The following GRID2 variants were observed in gnomAD, a reference collection of about 807,000 sequenced individuals.
GRID2 encodes the protein glutamate receptor ionotropic, delta-2.
A neutral mutation model predicts 114.8 loss-of-function variants in GRID2; 33 were observed. The ratio of observed to expected loss-of-function variants is 0.29; its 90% CI spans 0.22 to 0.38. GRID2 has a LOEUF of 0.38. Ranked by LOEUF, GRID2 falls within the 10% of genes least tolerant of loss-of-function variation. The pLI is 1.00. For missense variants in GRID2, 1,184 were observed against 1,257.7 expected (o/e 0.94, Z 0.89); for synonymous variants, 505 against 449.9 (o/e 1.12, Z -1.55).
intron 2 of GRID2, among the ~76,000 whole-genome samples, chr4:92,731,707 T>C (rs1736336173): frequency 6.6e-6 from 1 of 151,950 alleles, no homozygotes; most frequent in African/African-American, 2.4e-5. Context: ...TGAGTAACTT[T>C]AGGAAAACTA....
At chr4:92,690,481 A>T (rs1734132901) in intron 2 of GRID2, among the ~76,000 whole-genome samples, 1 of 152,226 alleles carries the variant, frequency 6.6e-6, no homozygotes, top group African/African-American at 2.4e-5. Flanking sequence ...CATAACAGAT[A>T]TAAAGCAGTA....
At chr4:92,381,012 ATAT>A (rs1729596208) in intron 1 of GRID2, among the ~76,000 whole-genome samples, 2 of 151,914 alleles carry the variant, frequency 1.3e-5, no homozygotes, top group African/African-American at 2.4e-5. Context: ...TTTCCCTCCA[ATAT>A]TATTTTTTCC....
At chr4:93,643,962 G>A (rs1721855018) in intron 14 of GRID2, among the ~76,000 whole-genome samples, 1 of 102,578 alleles carries the variant, frequency 9.7e-6, no homozygotes, top group Non-Finnish European at 1.9e-5. Flanking sequence ...AGCAATCCGC[G>A]AGATTCCGTG....
intron 2 of GRID2, among the ~76,000 whole-genome samples, chr4:92,946,199 C>A (rs919303070): frequency 2.0e-5 from 3 of 151,986 alleles, no homozygotes; most frequent in African/African-American, 7.2e-5. Context: ...TCCATCAAAG[C>A]CTTCAAAATG....
At chr4:92,922,058 C>T (rs905694971) in intron 2 of GRID2, among the ~76,000 whole-genome samples, 20 of 152,202 alleles carry the variant, frequency 1.3e-4, no homozygotes, top group Admixed American at 1.0e-3. Context: ...GGGAGCCCCT[C>T]CCTCAGCCTT....
Position 92,971,466 on chromosome 4 carries a change from A to G in GRID2, c.245-113529A>G, listed in dbSNP as rs1415168574. The stretch of plus-strand genomic sequence containing the variant: ...TACATACACAGTTATATTTTAATAT[A>G]TGTGTATATGTGTAATGATCAAATC... On this transcript the variant is annotated intron_variant, in intron 2 of 15. Coordinates refer to ENST00000282020, the MANE Select transcript of GRID2 (RefSeq NM_001510.4). Among the ~76,000 whole-genome samples, 3 of 152,024 alleles carry G rather than the reference A, an allele frequency of 2.0e-5. No homozygotes were observed. The East Asian group carries it at 5.8e-4, about 29-fold the overall frequency.
At chr4:92,335,920 G>A (rs1179380353) in intron 1 of GRID2, among the ~76,000 whole-genome samples, 1 of 152,086 alleles carries the variant, frequency 6.6e-6, no homozygotes, top group Non-Finnish European at 1.5e-5. Context: ...GAAAGTCACT[G>A]TTTTTTACTT....
At position 93,103,952 on chromosome 4, in the gene GRID2, C is replaced by A. The variant is rs1287913325; in HGVS notation, c.530-6796C>A. ...TAAGTTTCAGCTTTTACTTTAGGTA[C>A]AAGGGGAGTGTGTGTAGGTATGTTA... On this transcript the variant is annotated intron_variant, in intron 3 of 15. Transcript: ENST00000282020. Among the ~76,000 whole-genome samples, 3 of 145,846 alleles carry A rather than the reference C, an allele frequency of 2.1e-5. No individual in the cohort carries two copies. In the Admixed American group the frequency reaches 2.1e-4, roughly 10 times the overall value.
intron 11 of GRID2, among the ~76,000 whole-genome samples, chr4:93,457,239 G>A (rs1041379832): frequency 3.9e-5 from 6 of 152,046 alleles, no homozygotes; most frequent in East Asian, 1.9e-4. Flanking sequence ...TGTTAATGTC[G>A]CAGAGAAGGC....
chr4:93,657,923 A>C (rs1445767891), intron 14 of GRID2, among the ~76,000 whole-genome samples: 1 of 152,216 alleles, frequency 6.6e-6, no homozygotes. Flanking sequence ...TTGAGTTGAA[A>C]CAGAGAGGAA....
At chr4:93,674,052 A>G (rs1054715231) in intron 14 of GRID2, among the ~76,000 whole-genome samples, 2 of 151,704 alleles carry the variant, frequency 1.3e-5, no homozygotes, top group Non-Finnish European at 2.9e-5. Flanking sequence ...GACTCATGGC[A>G]TATATGGCGT....
At chr4:92,783,940 T>C (rs1739203562) in intron 2 of GRID2, among the ~76,000 whole-genome samples, 1 of 152,048 alleles carries the variant, frequency 6.6e-6, no homozygotes, top group South Asian at 2.1e-4. Flanking sequence ...TTTTAAAACT[T>C]CTTAAGACGT....
chr4:92,744,361 G>A (rs1737043627), intron 2 of GRID2, among the ~76,000 whole-genome samples: 2 of 151,696 alleles, frequency 1.3e-5, no homozygotes, highest in South Asian at 2.1e-4. Context: ...GGTGGCACAC[G>A]CCTGTAATCC....
chr4:93,051,787 A>G (rs1726742063), intron 2 of GRID2, among the ~76,000 whole-genome samples: 1 of 151,988 alleles, frequency 6.6e-6, no homozygotes. Context: ...TTAAAACTGT[A>G]CATGCTGCCA....
chr4:93,550,114 T>C (rs1185039068), intron 13 of GRID2, among the ~76,000 whole-genome samples: 4 of 152,094 alleles, frequency 2.6e-5, no homozygotes, highest in Non-Finnish European at 5.9e-5. Context: ...TTATTTTATT[T>C]ATTTTTAGAG....
At chr4:93,753,149 C>G (rs1578738334) in intron 14 of GRID2, among the ~76,000 whole-genome samples, 1 of 152,244 alleles carries the variant, frequency 6.6e-6, no homozygotes, top group East Asian at 1.9e-4. Context: ...TACAGGCAGC[C>G]TTCACCCAGA....
chr4:92,318,577 C>T (rs369113910), intron 1 of GRID2, among the ~76,000 whole-genome samples: 6 of 142,572 alleles, frequency 4.2e-5, no homozygotes, highest in African/African-American at 1.1e-4. Context: ...TGCAGTGGCA[C>T]GCTCATGGCT....
intron 8 of GRID2, among the ~76,000 whole-genome samples, chr4:93,242,083 G>C (rs528427893): frequency 6.6e-6 from 1 of 152,076 alleles, no homozygotes; most frequent in South Asian, 2.1e-4. Context: ...GGTAAGAAAA[G>C]AATGCTGTGT....
At chr4:92,920,326 T>G (rs2149503643) in intron 2 of GRID2, among the ~76,000 whole-genome samples, 1 of 152,350 alleles carries the variant, frequency 6.6e-6, no homozygotes, top group Admixed American at 6.5e-5. Flanking sequence ...GTGTTTTAAT[T>G]GGAGCATTTA....
Sources: gnomAD v4.1 joint callset for allele counts (sites outside exome capture counted in the v4.1 genomes callset) on GRCh38, gnomAD v4.1.1 for gene constraint, MANE v1.5 for transcripts, NCBI Gene and HGNC (gene_info 2026-07-23, HGNC 2026-07-21) for gene names.